Variants in ZBTB40 observed in about 807,000 individuals in gnomAD.
ZBTB40 encodes the protein zinc finger and BTB domain containing 40.
In ZBTB40, 60 loss-of-function variants were observed where a neutral mutation model predicts 117.5. That is an observed-to-expected ratio of 0.51 (90% confidence interval 0.41 to 0.63). The LOEUF is 0.63. Ranked by LOEUF, ZBTB40 falls within the 30% of genes least tolerant of loss-of-function variation. The probability of loss-of-function intolerance (pLI) is 0.00; values close to 1 mark genes in which losing one functional copy is unlikely to be tolerated. For synonymous variants in ZBTB40, 525 were observed against 577.1 expected (o/e 0.91, Z 1.29); for missense variants, 1,287 against 1,498.5 (o/e 0.86, Z 2.33).
Position 22,509,089 on chromosome 1 carries a change from C to CT in ZBTB40, c.1700-4dup, listed in dbSNP as rs751983432. ...TTTGCCTAATGAGTTTTTGATCCCC[C>CT]TTTTTTTCAGTGACCACCCCAGAAC... On this transcript the variant is annotated splice_polypyrimidine_tract_variant and intron_variant, in intron 8 of 17. Coordinates refer to ENST00000375647, the MANE Select transcript of ZBTB40 (RefSeq NM_014870.4). 8.1e-6 allele frequency: 13 copies of CT among 1,613,848 alleles called. No individual in the cohort carries two copies. Among genetic ancestry groups the CT allele is most frequent in the Admixed American group, 3.3e-5 (2 of 59,980 alleles).
At chr1:22,430,962 C>T (rs1364242061) in intron 1 of ZBTB40, among the ~76,000 whole-genome samples, 14 of 151,984 alleles carry the variant, frequency 9.2e-5, no homozygotes, top group Admixed American at 8.5e-4. Context: ...TTCATTTCTA[C>T]ATGTTATATA....
At chr1:22,497,383 TG>T (rs1638808061) in intron 3 of ZBTB40, among the ~76,000 whole-genome samples, 1 of 152,240 alleles carries the variant, frequency 6.6e-6, no homozygotes, top group African/African-American at 2.4e-5. Flanking sequence ...GATCTGTGTT[TG>T]GAGGGCTCTG....
intron 1 of ZBTB40, among the ~76,000 whole-genome samples, chr1:22,460,699 C>T (rs778542936): frequency 2.6e-5 from 4 of 152,170 alleles, no homozygotes; most frequent in African/African-American, 9.7e-5. Context: ...ACAAAGCTAA[C>T]GTCAGATTTA....
chr1:22,493,794 G>GTT (rs377507956), intron 3 of ZBTB40, among the ~76,000 whole-genome samples: 61 of 133,708 alleles, frequency 4.6e-4, no homozygotes, highest in Admixed American at 8.7e-4. Flanking sequence ...ATTCACCCAT[G>GTT]TTTTTTTTTT....
intron 1 of ZBTB40, among the ~76,000 whole-genome samples, chr1:22,460,256 TC>T (rs1289503598): frequency 1.3e-5 from 2 of 152,140 alleles, no homozygotes; most frequent in African/African-American, 4.8e-5. Context: ...CCCGTTAGAC[TC>T]TATTTGGAAA....
intron 13 of ZBTB40, 178 bp downstream of exon 13, chr1:22,517,642 A>G (rs1159419557): frequency 2.7e-6 from 2 of 748,612 alleles, no homozygotes; most frequent in African/African-American, 3.5e-5. Context: ...TCTCATTTTA[A>G]GGTATCTCAT....
chr1:22,480,361 G>A lies in ZBTB40; in HGVS notation c.-69-9519G>A, dbSNP rs151073068. Among the ~76,000 whole-genome samples the A allele has an allele frequency of 5.3e-5, 8 of 151,786 alleles. No individual in the cohort carries two copies. The East Asian group carries it at 1.4e-3, about 26-fold the overall frequency. ...AATTTATTTTCTTTTTTCAGCTTTC[G>A]GGGCATTGTTTCAGAAGTCTTTGCC... On this transcript the variant is annotated intron_variant, in intron 1 of 17. Transcript: ENST00000375647.
intron 9 of ZBTB40, among the ~76,000 whole-genome samples, chr1:22,510,378 G>A (rs1234505106): frequency 4.6e-5 from 7 of 152,182 alleles, no homozygotes; most frequent in South Asian, 2.1e-4. Flanking sequence ...TCTCCAGCAC[G>A]CCGTAACTTC....
intron 1 of ZBTB40, among the ~76,000 whole-genome samples, chr1:22,462,376 C>CCAG (rs1641152605): frequency 6.6e-6 from 1 of 152,188 alleles, no homozygotes; most frequent in African/African-American, 2.4e-5. Flanking sequence ...ATAATAGTAA[C>CCAG]TATCTCACTG....
chr1:22,506,840 A>G (rs902351280), intron 6 of ZBTB40, among the ~76,000 whole-genome samples: 1 of 152,250 alleles, frequency 6.6e-6, no homozygotes, highest in Non-Finnish European at 1.5e-5. Context: ...GGACAATTCC[A>G]AATATAAGGA....
chr1:22,460,754 C>A (rs1641111183), intron 1 of ZBTB40, among the ~76,000 whole-genome samples: 1 of 152,148 alleles, frequency 6.6e-6, no homozygotes, highest in Non-Finnish European at 1.5e-5. Flanking sequence ...GTTTTTCAAA[C>A]TTTAGGCTCT....
At chr1:22,430,037 G>A (rs551821008) in intron 1 of ZBTB40, among the ~76,000 whole-genome samples, 5 of 152,274 alleles carry the variant, frequency 3.3e-5, no homozygotes, top group African/African-American at 1.2e-4. Flanking sequence ...GTAAGTTTTT[G>A]ATAAAGTTCT....
At chr1:22,525,971 C>T (rs147355821) in intron 17 of ZBTB40, among the ~76,000 whole-genome samples, 7 of 152,348 alleles carry the variant, frequency 4.6e-5, no homozygotes, top group Non-Finnish European at 8.8e-5. Context: ...CCCGAGATGG[C>T]GTACTGAGCA....
chr1:22,499,341 G>A (rs1022101949), intron 3 of ZBTB40, among the ~76,000 whole-genome samples: 2 of 152,198 alleles, frequency 1.3e-5, no homozygotes, highest in African/African-American at 2.4e-5. Context: ...GTAGCATCCT[G>A]TAACTTTTAC....
rs1053575275 is a variant in ZBTB40, at chr1:22,530,478, A to G, written c.*4082A>G. On this transcript the variant is annotated 3_prime_UTR_variant, in exon 18 of 18. Coordinates refer to ENST00000375647, the MANE Select transcript of ZBTB40 (RefSeq NM_014870.4). ...AAGCTGTCTGTACTTTGGGGACTAC[A>G]TTGCTGAAGGAAAAAAATCACTCCC... 2 of 152,244 alleles carry G rather than the reference A, an allele frequency of 1.3e-5. No individual in the cohort carries two copies. Among genetic ancestry groups the G allele is most frequent in the Non-Finnish European group, 2.9e-5 (2 of 68,010 alleles). The allele number at this position is 152,244 out of a possible 1,614,324, so 9.4% of individuals were successfully genotyped here.
At chr1:22,476,385 G>GT (rs915806333) in intron 1 of ZBTB40, among the ~76,000 whole-genome samples, 7 of 151,956 alleles carry the variant, frequency 4.6e-5, no homozygotes, top group Admixed American at 1.3e-4. Flanking sequence ...CACCTGGCTA[G>GT]TTTTTTTTGT....
At chr1:22,464,379 C>T (rs1641204666) in intron 1 of ZBTB40, among the ~76,000 whole-genome samples, 1 of 152,180 alleles carries the variant, frequency 6.6e-6, no homozygotes, top group African/African-American at 2.4e-5. Flanking sequence ...ATTTAAAGAG[C>T]TTCTGGACTC....
At chr1:22,501,381 C>T in intron 3 of ZBTB40, 111 bp from the exon 4 acceptor site, 5 of 1,188,368 alleles carry the variant, frequency 4.2e-6, no homozygotes, top group Non-Finnish European at 6.2e-6. Flanking sequence ...TGAGGAGCTT[C>T]AGGAGAAGCT....
At chr1:22,477,619 A>C (rs2124413325) in intron 1 of ZBTB40, among the ~76,000 whole-genome samples, 1 of 151,798 alleles carries the variant, frequency 6.6e-6, no homozygotes, top group Middle Eastern at 3.4e-3. Flanking sequence ...ACTGCACTCC[A>C]GCCTGGTCAT....
Sources: allele counts gnomAD v4.1 joint callset (sites outside exome capture counted in the v4.1 genomes callset), GRCh38; gene constraint gnomAD v4.1.1; transcripts MANE v1.5; gene names NCBI Gene and HGNC (gene_info 2026-07-23, HGNC 2026-07-21).